LRP1B: variants seen among roughly 807,000 people sequenced by gnomAD.
LRP1B encodes low-density lipoprotein receptor-related protein 1B.
In LRP1B, 217 loss-of-function variants were observed where a neutral mutation model predicts 556.6. The observed-to-expected ratio is 0.39, with a 90% CI of 0.35 to 0.44. LRP1B has a LOEUF of 0.44. Ranked by LOEUF, LRP1B falls within the 20% of genes least tolerant of loss-of-function variation. The pLI, the probability that LRP1B is intolerant of heterozygous loss-of-function variation, is 1.00. For synonymous variants in LRP1B, 2,047 were observed against 1,865.8 expected, an observed-to-expected ratio of 1.10 and a Z score of -2.50; for missense variants, 5,053 against 5,620.8, an observed-to-expected ratio of 0.90 and a Z score of 3.23.
At chr2:140,990,228 C>A (rs995539123) in intron 16 of LRP1B, among the ~76,000 whole-genome samples, 3 of 151,950 alleles carry the variant, frequency 2.0e-5, no homozygotes, top group Non-Finnish European at 4.4e-5. Context: ...CCAACTGTAT[C>A]ACTAAGTTTG....
chr2:140,586,012 G>T (rs1288369074), intron 43 of LRP1B, among the ~76,000 whole-genome samples: 1 of 152,010 alleles, frequency 6.6e-6, no homozygotes, highest in African/African-American at 2.4e-5. Flanking sequence ...ATCTTTAAAA[G>T]TGTCTTTAAA....
At chr2:142,100,006 A>C (rs1215054499) in intron 1 of LRP1B, among the ~76,000 whole-genome samples, 1 of 151,972 alleles carries the variant, frequency 6.6e-6, no homozygotes. Context: ...TTTCATCTTT[A>C]TATCAAAGAA....
At chr2:141,092,298 T>G (rs1250539337) in intron 7 of LRP1B, among the ~76,000 whole-genome samples, 1 of 152,222 alleles carries the variant, frequency 6.6e-6, no homozygotes, top group African/African-American at 2.4e-5. Context: ...ATGGTGAGCA[T>G]AATTTGCTGA....
chr2:140,845,414 TA>T (rs1429249470), intron 29 of LRP1B, among the ~76,000 whole-genome samples: 1 of 152,016 alleles, frequency 6.6e-6, no homozygotes, highest in Non-Finnish European at 1.5e-5. Context: ...TCTCCATCAA[TA>T]AAAAATTCAA....
At chr2:141,356,175 A>G (rs1301506490) in intron 3 of LRP1B, among the ~76,000 whole-genome samples, 1 of 152,220 alleles carries the variant, frequency 6.6e-6, no homozygotes, top group Non-Finnish European at 1.5e-5. Context: ...AAAGAGAGAT[A>G]CTTCTATTTT....
intron 2 of LRP1B, among the ~76,000 whole-genome samples, chr2:141,760,964 T>C (rs1694522345): frequency 6.6e-6 from 1 of 152,202 alleles, no homozygotes; most frequent in Non-Finnish European, 1.5e-5. Flanking sequence ...GTTAGCTATA[T>C]TTGTGGGCAC....
chr2:140,439,931 T>C (rs1362424352), intron 66 of LRP1B, among the ~76,000 whole-genome samples: 1 of 152,166 alleles, frequency 6.6e-6, no homozygotes, highest in Non-Finnish European at 1.5e-5. Context: ...ATATGTATAT[T>C]TTGTATGTGT....
At chr2:141,089,126 G>T (rs1000091940) in intron 7 of LRP1B, among the ~76,000 whole-genome samples, 12 of 152,174 alleles carry the variant, frequency 7.9e-5, no homozygotes, top group African/African-American at 2.9e-4. Flanking sequence ...ACGCAGCCAT[G>T]TGTAGCCTCA....
rs774022861 is a variant in LRP1B at position 140,487,680 on chromosome 2, G to T, written c.9180C>A (p.Ile3060=). ...FDYREEFIYW[I]DSSRPNGSRI... is the part of the protein sequence containing the mutation. ...GACTGCCATTGGGTCGGCTAGAATC[G>T]ATCCAATAGATGAATTCTTCTCTGT... Residue 3060 remains isoleucine (I), a synonymous_variant, in exon 58 of 91, where the codon ATC becomes ATA. Transcript: ENST00000389484. 1 of 1,596,046 alleles carries T rather than the reference G, an allele frequency of 6.3e-7. No homozygotes were observed. The highest frequency in any genetic ancestry group is 1.1e-5 in the South Asian group (1 of 90,150).
chr2:141,433,115 AACTTT>A (rs1293514331), intron 3 of LRP1B, among the ~76,000 whole-genome samples: 1 of 152,088 alleles, frequency 6.6e-6, no homozygotes. Context: ...AGTATTTTCT[AACTTT>A]ACTTGTGATA....
At chr2:141,751,232 T>C (rs1329936592) in intron 2 of LRP1B, among the ~76,000 whole-genome samples, 7 of 152,104 alleles carry the variant, frequency 4.6e-5, no homozygotes, top group Admixed American at 6.6e-5. Flanking sequence ...ATAAAGGTAT[T>C]GGTGAATGTA....
intron 1 of LRP1B, among the ~76,000 whole-genome samples, chr2:142,082,389 C>T (rs1178262845): frequency 6.6e-6 from 1 of 151,996 alleles, no homozygotes; most frequent in Admixed American, 6.6e-5. Flanking sequence ...AATATTATAC[C>T]AAGTATTATC....
intron 2 of LRP1B, among the ~76,000 whole-genome samples, chr2:141,708,764 C>G (rs1692244333): frequency 6.6e-6 from 1 of 152,010 alleles, no homozygotes; most frequent in South Asian, 2.1e-4. Flanking sequence ...AGGGTGGGCT[C>G]TAATCTAATC....
intron 21 of LRP1B, among the ~76,000 whole-genome samples, chr2:140,918,520 A>G (rs758031558): frequency 2.0e-5 from 3 of 152,096 alleles, no homozygotes; most frequent in Admixed American, 6.6e-5. Context: ...AGGTTCACCA[A>G]TCTCCCTGAA....
chr2:141,813,031 T>A (rs1574389636), intron 1 of LRP1B, among the ~76,000 whole-genome samples: 1 of 152,168 alleles, frequency 6.6e-6, no homozygotes, highest in East Asian at 1.9e-4. Flanking sequence ...GAATAAATAG[T>A]GAATGTTTTA....
chr2:141,989,434 AG>A (rs1702283977), intron 1 of LRP1B, among the ~76,000 whole-genome samples: 1 of 152,090 alleles, frequency 6.6e-6, no homozygotes, highest in Non-Finnish European at 1.5e-5. Context: ...GAAATCACTA[AG>A]ATACAGATCT....
At chr2:142,011,000 A>G (rs561808029) in intron 1 of LRP1B, among the ~76,000 whole-genome samples, 1 of 152,322 alleles carries the variant, frequency 6.6e-6, no homozygotes, top group East Asian at 1.9e-4. Context: ...AGTTCACCAG[A>G]GAACATATTT....
At position 141,402,553 on chromosome 2, in the gene LRP1B, T is replaced by C. The variant is rs565955224; in HGVS notation, c.343+77843A>G. ...AAAAAAAAATCTCAAAGTAACACTA[T>C]AGAAATAAATATTTTACAATGAAAC... On this transcript the variant is annotated intron_variant, in intron 3 of 90. Transcript: ENST00000389484. 2.6e-5 allele frequency among the ~76,000 whole-genome samples: 4 copies of C among 152,200 alleles called. No individual in the cohort carries two copies. In the South Asian group the frequency reaches 8.3e-4, roughly 32 times the overall value.
chr2:141,695,724 A>C (rs975190724), intron 2 of LRP1B, among the ~76,000 whole-genome samples: 23 of 151,962 alleles, frequency 1.5e-4, no homozygotes, highest in South Asian at 2.1e-4. Context: ...GTTAAAAAAA[A>C]CCCAAAAACC....
Sources: gnomAD v4.1 joint callset for allele counts (sites outside exome capture counted in the v4.1 genomes callset) on GRCh38, gnomAD v4.1.1 for gene constraint, MANE v1.5 for transcripts, NCBI Gene and HGNC (gene_info 2026-07-23, HGNC 2026-07-21) for gene names.